OCA2: variants seen among roughly 807,000 people sequenced by gnomAD.
OCA2 encodes OCA2 melanosomal transmembrane protein.
A neutral mutation model predicts 100.2 loss-of-function variants in OCA2; 77 were observed. That is an observed-to-expected ratio of 0.77 (90% CI 0.64 to 0.93). The LOEUF (loss-of-function observed/expected upper bound fraction) is 0.93. Ranked by LOEUF, OCA2 falls within the 40% of genes least tolerant of loss-of-function variation. The pLI is 0.00. For synonymous variants in OCA2, 432 were observed against 439.2 expected, an observed-to-expected ratio of 0.98 and a Z score of 0.21; for missense variants, 1,062 against 1,089.1, an observed-to-expected ratio of 0.98 and a Z score of 0.35.
intron 7 of OCA2, among the ~76,000 whole-genome samples, chr15:28,017,293 G>A (rs2042428168): frequency 6.6e-6 from 1 of 152,128 alleles, no homozygotes; most frequent in Admixed American, 6.5e-5. Context: ...TTGCCTGTGG[G>A]CATTTTGGGT....
At chr15:27,952,670 T>TTA (rs2140631162) in intron 17 of OCA2, among the ~76,000 whole-genome samples, 1 of 149,116 alleles carries the variant, frequency 6.7e-6, no homozygotes, top group South Asian at 2.1e-4. Flanking sequence ...ATTTATTTAT[T>TTA]TTTATTTTTA....
the OCA2 span, among the ~76,000 whole-genome samples, chr15:27,720,261 A>G: frequency 1.3e-5 from 2 of 152,172 alleles, no homozygotes; most frequent in Admixed American, 1.3e-4. Context: ...TGATCTATCC[A>G]TTCATTAGAA....
At chr15:27,809,823 A>G (rs529726681) in intron 23 of OCA2, among the ~76,000 whole-genome samples, 175 of 152,332 alleles carry the variant, frequency 1.1e-3, no homozygotes, top group African/African-American at 4.2e-3. Flanking sequence ...GAGGTCGAAG[A>G]CCTCTATAAG....
intron 23 of OCA2, among the ~76,000 whole-genome samples, chr15:27,835,866 G>C (rs1293256618): frequency 6.6e-6 from 1 of 152,226 alleles, no homozygotes; most frequent in Non-Finnish European, 1.5e-5. Context: ...CAGTACTGAG[G>C]TTGTGGGGCA....
chr15:28,028,936 T>C (rs1337917688), intron 3 of OCA2, among the ~76,000 whole-genome samples: 1 of 152,178 alleles, frequency 6.6e-6, no homozygotes, highest in Non-Finnish European at 1.5e-5. Flanking sequence ...TCTGACTACC[T>C]TGGCCTCCCA....
At chr15:28,079,462 G>T (rs1157708673) in intron 2 of OCA2, among the ~76,000 whole-genome samples, 3 of 152,202 alleles carry the variant, frequency 2.0e-5, no homozygotes, top group Non-Finnish European at 4.4e-5. Flanking sequence ...GCTGTTTCAG[G>T]GGGCTCACCT....
chr15:27,971,302 T>C (rs2040781455), intron 14 of OCA2, among the ~76,000 whole-genome samples: 1 of 152,202 alleles, frequency 6.6e-6, no homozygotes, highest in Non-Finnish European at 1.5e-5. Flanking sequence ...AAAGATGCTA[T>C]TCAGAAGCAT....
At chr15:28,069,802 G>A (rs1196600258) in intron 2 of OCA2, among the ~76,000 whole-genome samples, 1 of 135,232 alleles carries the variant, frequency 7.4e-6, no homozygotes, top group Non-Finnish European at 1.5e-5. Context: ...TGCCGAGATT[G>A]CAGCCTCTGC....
intron 18 of OCA2, among the ~76,000 whole-genome samples, chr15:27,926,558 T>C (rs561735784): frequency 6.6e-6 from 1 of 152,304 alleles, no homozygotes; most frequent in South Asian, 2.1e-4. Flanking sequence ...TCTTTCACTA[T>C]AGATTGGCTT....
chr15:28,042,630 A>G (rs1318412961), intron 2 of OCA2, among the ~76,000 whole-genome samples: 1 of 151,760 alleles, frequency 6.6e-6, no homozygotes, highest in African/African-American at 2.4e-5. Context: ...GCATAGTGTG[A>G]CTCTGTCTCA....
intron 9 of OCA2, among the ~76,000 whole-genome samples, chr15:28,002,188 G>A (rs2041948636): frequency 6.6e-6 from 1 of 152,222 alleles, no homozygotes; most frequent in South Asian, 2.1e-4. Flanking sequence ...AGCAAAACAT[G>A]AAGTAGGGGT....
intron 23 of OCA2, among the ~76,000 whole-genome samples, chr15:27,813,007 G>A (rs2034140729): frequency 6.6e-6 from 1 of 152,188 alleles, no homozygotes; most frequent in Non-Finnish European, 1.5e-5. Context: ...GGAGGCTCCT[G>A]CACCAGTGTC....
intron 14 of OCA2, among the ~76,000 whole-genome samples, chr15:27,972,552 T>C (rs2040825877): frequency 6.6e-6 from 1 of 152,256 alleles, no homozygotes; most frequent in South Asian, 2.1e-4. Flanking sequence ...ATGGCCATTC[T>C]GGCTGTAATA....
chr15:27,876,421 C>G (rs890488211), intron 19 of OCA2, among the ~76,000 whole-genome samples: 6 of 151,922 alleles, frequency 3.9e-5, no homozygotes, highest in African/African-American at 1.4e-4. Flanking sequence ...TCACATAATA[C>G]GTTTGTCTTA....
intron 21 of OCA2, among the ~76,000 whole-genome samples, chr15:27,868,609 T>A (rs969728102): frequency 5.3e-5 from 8 of 152,088 alleles, no homozygotes; most frequent in African/African-American, 1.9e-4. Flanking sequence ...GTTTCAGTTA[T>A]CCCAGATGGG....
At chr15:27,742,041 TACACATTGCAGACGTATCTGAACTGTGG>T in the OCA2 span, among the ~76,000 whole-genome samples, 1 of 152,216 alleles carries the variant, frequency 6.6e-6, no homozygotes, top group Non-Finnish European at 1.5e-5. Context: ...TTTTAGGAAA[TACACATTGCAGACGTATCTGAACTGTGG>T]CAGCTATGCC....
At chr15:28,009,803 T>C (rs974923814) in intron 9 of OCA2, among the ~76,000 whole-genome samples, 1 of 151,806 alleles carries the variant, frequency 6.6e-6, no homozygotes, top group Non-Finnish European at 1.5e-5. Context: ...AATTTAGTAA[T>C]AGAAAGACAA....
At chr15:27,946,503 C>T (rs1043671615) in intron 18 of OCA2, among the ~76,000 whole-genome samples, 1 of 152,246 alleles carries the variant, frequency 6.6e-6, no homozygotes, top group South Asian at 2.1e-4. Context: ...CTGTACCTCA[C>T]TTCCGATTCC....
At chr15:27,910,677 G>A (rs1005690711) in intron 19 of OCA2, among the ~76,000 whole-genome samples, 30 of 151,666 alleles carry the variant, frequency 2.0e-4, no homozygotes, top group African/African-American at 7.0e-4. Flanking sequence ...AAAACATACG[G>A]CTGGGTGTGG....
Sources: gnomAD v4.1 joint callset for allele counts (sites outside exome capture counted in the v4.1 genomes callset) on GRCh38, gnomAD v4.1.1 for gene constraint, MANE v1.5 for transcripts, NCBI Gene and HGNC (gene_info 2026-07-23, HGNC 2026-07-21) for gene names.